Variants in ANKS4B observed in about 807,000 individuals in gnomAD.
The protein encoded by ANKS4B is ankyrin repeat and SAM domain-containing protein 4B.
ANKS4B carries 21 observed loss-of-function variants against 20.2 expected under a neutral mutation model. That is an observed-to-expected ratio of 1.04 (90% CI 0.74 to 1.50). The LOEUF (loss-of-function observed/expected upper bound fraction) is 1.50, where lower values mean the gene tolerates loss of function less well. Ranked by LOEUF, ANKS4B falls within the 40% of genes most tolerant of loss-of-function variation. The probability of loss-of-function intolerance (pLI) is 0.00; values close to 1 mark genes in which losing one functional copy is unlikely to be tolerated. For synonymous variants in ANKS4B, 179 were observed against 194.5 expected (o/e 0.92, Z 0.66); for missense variants, 473 against 494.6 (o/e 0.96, Z 0.41).
At position 21,251,112 on chromosome 16, in the gene ANKS4B, G is replaced by T; in HGVS notation, c.*292G>T. 3.3e-6 allele frequency: 1 copy of T among 301,380 alleles called. No individual in the cohort carries two copies. 18.7% of individuals were successfully genotyped at this position (301,380 alleles called of 1,614,324 possible). A position where few individuals can be genotyped will look rare whatever the true frequency, so the allele number is the denominator to read the frequency against. ...TGGTTGTTTTGTTTTGTTTTGTTTT[G>T]TTTTTTGGAGATGAAGGTCTCAGTC... On this transcript the variant is annotated 3_prime_UTR_variant, in exon 2 of 2. Coordinates refer to ENST00000311620, the MANE Select transcript of ANKS4B (RefSeq NM_145865.3).
intron 1 of ANKS4B, among the ~76,000 whole-genome samples, chr16:21,241,860 C>G (rs1167257309): frequency 6.6e-6 from 1 of 152,062 alleles, no homozygotes; most frequent in African/African-American, 2.4e-5. Context: ...ACATTAAAAT[C>G]TACTTGGTAG....
At chr16:21,249,212 G>A (rs1022865119) in intron 1 of ANKS4B, among the ~76,000 whole-genome samples, 3 of 152,128 alleles carry the variant, frequency 2.0e-5, no homozygotes, top group Admixed American at 1.3e-4. Flanking sequence ...AGCCAGGCAC[G>A]GTGGCTTACA....
chr16:21,242,143 T>C (rs2093327257), intron 1 of ANKS4B, among the ~76,000 whole-genome samples: 1 of 152,234 alleles, frequency 6.6e-6, no homozygotes, highest in African/African-American at 2.4e-5. Flanking sequence ...TTTGACCAAC[T>C]CCCCAGTCTG....
chr16:21,249,671 G>A, intron 1 of ANKS4B, 60 bp from the exon 2 acceptor site: 1 of 1,509,294 alleles, frequency 6.6e-7, no homozygotes, highest in Non-Finnish European at 8.9e-7. Context: ...TGATTTTTTT[G>A]GGCCTGCGTT....
At chr16:21,236,257 C>G (rs1387265554) in intron 1 of ANKS4B, among the ~76,000 whole-genome samples, 1 of 152,014 alleles carries the variant, frequency 6.6e-6, no homozygotes, top group African/African-American at 2.4e-5. Context: ...GAGGACAGTA[C>G]CAAGGGGAAT....
rs1386872100 is a variant in ANKS4B, at chr16:21,253,354, A to C, written c.*2534A>C. 6.6e-6 allele frequency: 1 copy of C among 152,236 alleles called. No individual in the cohort carries two copies. The highest frequency in any genetic ancestry group is 1.5e-5 in the Non-Finnish European group (1 of 68,034). The allele number at this position is 152,236 out of a possible 1,614,324, so 9.4% of individuals were successfully genotyped here. A position where few individuals can be genotyped will look rare whatever the true frequency, so the allele number is the denominator to read the frequency against. On this transcript the variant is annotated 3_prime_UTR_variant, in exon 2 of 2. Transcript: ENST00000311620. ...AATGAATATATTCAGAAAGCTTGTT[A>C]GCCATTGAATAAACACGTTGCATTA... is the stretch of plus-strand genomic sequence containing the variant.
chr16:21,247,914 G>A (rs1187134519), intron 1 of ANKS4B, among the ~76,000 whole-genome samples: 3 of 152,166 alleles, frequency 2.0e-5, no homozygotes, highest in Non-Finnish European at 4.4e-5. Context: ...ATATGAACCT[G>A]CAGTCATGGA....
chr16:21,242,023 C>A (rs12934242), intron 1 of ANKS4B, among the ~76,000 whole-genome samples: 20,672 of 151,932 alleles, frequency 0.14, 1,853 homozygotes, highest in Non-Finnish European at 0.19. Flanking sequence ...CATAGCAAGA[C>A]CCCATCTCTA....
intron 1 of ANKS4B, among the ~76,000 whole-genome samples, chr16:21,235,725 T>C (rs2093319571): frequency 6.6e-6 from 1 of 152,212 alleles, no homozygotes; most frequent in Non-Finnish European, 1.5e-5. Context: ...ACACCCTTTA[T>C]TAAAATAGGG....
chr16:21,245,243 G>A (rs1477183385), intron 1 of ANKS4B, among the ~76,000 whole-genome samples: 3 of 152,140 alleles, frequency 2.0e-5, no homozygotes, highest in African/African-American at 4.8e-5. Flanking sequence ...TCCTTTCTAG[G>A]TGGAGTATGC....
intron 1 of ANKS4B, among the ~76,000 whole-genome samples, chr16:21,247,993 G>A (rs1712862114): frequency 6.6e-6 from 1 of 152,144 alleles, no homozygotes; most frequent in African/African-American, 2.4e-5. Flanking sequence ...GACACTGTTT[G>A]CTACCTCTCC....
At chr16:21,243,538 T>C (rs542405825) in intron 1 of ANKS4B, among the ~76,000 whole-genome samples, 1 of 152,324 alleles carries the variant, frequency 6.6e-6, no homozygotes, top group African/African-American at 2.4e-5. Context: ...TTTGGAAATG[T>C]GTCTGTAAGT....
At chr16:21,244,694 TTAAAA>T (rs1199662406) in intron 1 of ANKS4B, among the ~76,000 whole-genome samples, 1 of 152,158 alleles carries the variant, frequency 6.6e-6, no homozygotes, top group African/African-American at 2.4e-5. Flanking sequence ...TAGTGTTTAT[TTAAAA>T]TAAAAAGTGA....
chr16:21,250,681 A>G lies in ANKS4B; in HGVS notation c.1115A>G (p.Glu372Gly). ...TTCAAGAGAGAGCAGATTGATCTAG[A>G]AGCTCTGCTGCTCTGCTCTGATGAG... Reference protein sequence around the residue: ...PIFKREQIDLEALLLCSDEDL... With the variant: ...PIFKREQIDLGALLLCSDEDL... Residue 372 changes from glutamate to glycine, a missense_variant, in exon 2 of 2, where the codon GAA becomes GGA. Coordinates refer to ENST00000311620, the MANE Select transcript of ANKS4B (RefSeq NM_145865.3). The G allele has an allele frequency of 1.9e-6, 3 of 1,613,674 alleles. No individual in the cohort carries two copies. Among genetic ancestry groups the G allele is most frequent in the South Asian group, 2.2e-5 (2 of 91,076 alleles).
At position 21,253,438 on chromosome 16, in the gene ANKS4B, T is replaced by C. The variant is rs2152860380; in HGVS notation, c.*2618T>C. On this transcript the variant is annotated 3_prime_UTR_variant, in exon 2 of 2. Transcript: ENST00000311620. Reference sequence around the variant, plus strand: ...GAATAAACTGAAGTTGTGCTTTCCTTCATTAACGTGCACAGAAGCAGTTGG... The same window carrying C: ...GAATAAACTGAAGTTGTGCTTTCCTCCATTAACGTGCACAGAAGCAGTTGG... 1 of 151,646 alleles carries C rather than the reference T, an allele frequency of 6.6e-6. No homozygotes were observed. The highest frequency in any genetic ancestry group is 2.1e-4 in the South Asian group (1 of 4,822). 9.4% of individuals were successfully genotyped at this position (151,646 alleles called of 1,614,324 possible). A position where few individuals can be genotyped will look rare whatever the true frequency, so the allele number is the denominator to read the frequency against.
intron 1 of ANKS4B, among the ~76,000 whole-genome samples, chr16:21,237,528 C>T (rs1355332804): frequency 6.6e-6 from 1 of 151,258 alleles, no homozygotes; most frequent in African/African-American, 2.4e-5. Context: ...TCTCCGCTTC[C>T]AAGATGGTGC....
In ANKS4B at chr16:21,251,112, G is replaced by GT. The variant is rs1184861870; in HGVS notation, c.*298dup. On this transcript the variant is annotated 3_prime_UTR_variant, in exon 2 of 2. Coordinates refer to ENST00000311620, the MANE Select transcript of ANKS4B (RefSeq NM_145865.3). The stretch of plus-strand genomic sequence containing the variant: ...TGGTTGTTTTGTTTTGTTTTGTTTT[G>GT]TTTTTTGGAGATGAAGGTCTCAGTC... The GT allele has an allele frequency of 2.0e-5, 6 of 301,380 alleles. No individual in the cohort carries two copies. The highest frequency in any genetic ancestry group is 1.8e-4 in the South Asian group (2 of 11,262). 18.7% of individuals were successfully genotyped at this position (301,380 alleles called of 1,614,324 possible). A position where few individuals can be genotyped will look rare whatever the true frequency, so the allele number is the denominator to read the frequency against.
chr16:21,234,481 G>GACAC (rs1480954069), intron 1 of ANKS4B, among the ~76,000 whole-genome samples: 3 of 86,986 alleles, frequency 3.4e-5, no homozygotes, highest in African/African-American at 1.2e-4. Context: ...CTAGTGGATA[G>GACAC]ATACACACAC....
At chr16:21,242,939 A>G (rs966560117) in intron 1 of ANKS4B, among the ~76,000 whole-genome samples, 12 of 152,196 alleles carry the variant, frequency 7.9e-5, no homozygotes, top group African/African-American at 2.9e-4. Flanking sequence ...TTCTTCCAGC[A>G]GTATTTCTTT....
Sources: gnomAD v4.1 joint callset for allele counts (sites outside exome capture counted in the v4.1 genomes callset) on GRCh38, gnomAD v4.1.1 for gene constraint, MANE v1.5 for transcripts, NCBI Gene and HGNC (gene_info 2026-07-23, HGNC 2026-07-21) for gene names.